MTX2: variants seen among roughly 807,000 people sequenced by gnomAD.
MTX2 encodes the protein metaxin 2, also known as metaxin-2.
A neutral mutation model predicts 42.3 loss-of-function variants in MTX2; 35 were observed. The ratio of observed to expected loss-of-function variants is 0.83; its 90% CI spans 0.63 to 1.10. The LOEUF (loss-of-function observed/expected upper bound fraction) is 1.10, where lower values mean the gene tolerates loss of function less well. Among genes scored for constraint, MTX2 ranks in the 50% least tolerant of loss-of-function variants. The pLI is 0.00. For synonymous variants in MTX2, 119 were observed against 100.9 expected (o/e 1.18, Z -1.08); for missense variants, 307 against 304.1 (o/e 1.01, Z -0.07).
At chr2:176,301,413 A>C (rs1335431790) in intron 3 of MTX2, among the ~76,000 whole-genome samples, 1 of 152,162 alleles carries the variant, frequency 6.6e-6, no homozygotes, top group African/African-American at 2.4e-5. Context: ...CTCTTAATTC[A>C]TATTAACCCA....
intron 3 of MTX2, among the ~76,000 whole-genome samples, chr2:176,305,981 G>C (rs1318315623): frequency 6.6e-6 from 1 of 151,996 alleles, no homozygotes; most frequent in Non-Finnish European, 1.5e-5. Context: ...TGATACATAG[G>C]TACACATGTG....
chr2:176,296,545 A>C (rs1683888837), intron 1 of MTX2, among the ~76,000 whole-genome samples: 1 of 152,180 alleles, frequency 6.6e-6, no homozygotes, highest in Non-Finnish European at 1.5e-5. Flanking sequence ...TGTTTGAAAG[A>C]AGCTAAAGGA....
At chr2:176,324,964 C>A (rs1684675090) in intron 4 of MTX2, among the ~76,000 whole-genome samples, 2 of 151,732 alleles carry the variant, frequency 1.3e-5, no homozygotes, top group South Asian at 4.2e-4. Flanking sequence ...ATTTTTAAAG[C>A]AGAGAGCATG....
intron 1 of MTX2, among the ~76,000 whole-genome samples, chr2:176,283,513 A>T (rs1468434887): frequency 9.9e-5 from 15 of 152,166 alleles, no homozygotes; most frequent in Admixed American, 9.8e-4. Context: ...TTCAGGTGGT[A>T]TAATAATAAG....
At chr2:176,279,166 G>T (rs1693021569) in intron 1 of MTX2, among the ~76,000 whole-genome samples, 1 of 152,078 alleles carries the variant, frequency 6.6e-6, no homozygotes, top group African/African-American at 2.4e-5. Context: ...ATAAGCCAAA[G>T]AATTTCTTCA....
In MTX2 at chr2:176,269,667, C is replaced by T; in HGVS notation, c.38C>T (p.Ala13Val). Residue 13 changes from alanine (A) to valine (V), a missense_variant and splice_region_variant, in exon 1 of 10, where the codon GCA becomes GTA. Ala to Val is a moderately conservative substitution (Grantham distance 64). Transcript: ENST00000249442. ...LVAEAFVSQI[A>V]AAEPWPENAT... ...GCGGAAGCCTTCGTCTCCCAGATTGCAGGTAGCGCGGCTGGCCGCAGACCC... is the reference window on the plus strand; with the variant it reads ...GCGGAAGCCTTCGTCTCCCAGATTGTAGGTAGCGCGGCTGGCCGCAGACCC... The T allele has an allele frequency of 6.3e-7, 1 of 1,596,380 alleles. No individual in the cohort carries two copies. The highest frequency in any genetic ancestry group is 1.9e-4 in the Middle Eastern group (1 of 5,278).
At chr2:176,335,024 G>A (rs1192950553) in intron 9 of MTX2, among the ~76,000 whole-genome samples, 1 of 148,120 alleles carries the variant, frequency 6.8e-6, no homozygotes, top group Non-Finnish European at 1.5e-5. Flanking sequence ...GGACTTTCTG[G>A]TAGAGGAGAT....
At chr2:176,325,213 GA>G (rs1221112693) in intron 4 of MTX2, among the ~76,000 whole-genome samples, 3 of 151,632 alleles carry the variant, frequency 2.0e-5, no homozygotes, top group African/African-American at 2.4e-5. Context: ...GCTTTCTTTA[GA>G]ATAAAAATTT....
chr2:176,293,648 T>C (rs1475156728), intron 1 of MTX2, among the ~76,000 whole-genome samples: 1 of 152,170 alleles, frequency 6.6e-6, no homozygotes, highest in African/African-American at 2.4e-5. Context: ...CCTTCTGCCA[T>C]GATTGTAAGC....
chr2:176,318,678 T>C (rs1397818207), intron 3 of MTX2, among the ~76,000 whole-genome samples: 1 of 152,216 alleles, frequency 6.6e-6, no homozygotes, highest in African/African-American at 2.4e-5. Context: ...TTGGACACTG[T>C]GCTATTATGC....
At chr2:176,270,515 A>G (rs1211600867) in intron 1 of MTX2, 9 of 832,484 alleles carry the variant, frequency 1.1e-5, no homozygotes, top group Admixed American at 2.5e-5. Context: ...GTACTTTGAG[A>G]TAGAGGCTAA....
intron 1 of MTX2, among the ~76,000 whole-genome samples, chr2:176,276,136 CAG>C (rs1313692220): frequency 4.6e-5 from 7 of 152,152 alleles, no homozygotes; most frequent in Admixed American, 1.3e-4. Context: ...TTGTAAATAA[CAG>C]ATAATTTAAT....
chr2:176,310,359 A>G (rs1191264876), intron 3 of MTX2, among the ~76,000 whole-genome samples: 2 of 151,984 alleles, frequency 1.3e-5, no homozygotes, highest in Non-Finnish European at 2.9e-5. Context: ...TTCAAGTTGA[A>G]TCTGACAATT....
intron 4 of MTX2, among the ~76,000 whole-genome samples, chr2:176,323,678 G>A (rs1415955962): frequency 1.3e-5 from 2 of 151,634 alleles, no homozygotes; most frequent in African/African-American, 4.8e-5. Context: ...GGTTACTGAC[G>A]TGTGGAAATG....
At position 176,329,353 on chromosome 2, in the gene MTX2, T is replaced by C; in HGVS notation, c.470T>C (p.Leu157Ser). 1 of 1,608,096 alleles carries C rather than the reference T, an allele frequency of 6.2e-7. No homozygotes were observed. The highest frequency in any genetic ancestry group is 2.2e-5 in the East Asian group (1 of 44,654). ...TACCCTTGGCCTCTGAATCATATTT[T>C]GGCCTATCAAAAACAGTGGGAAGTC... ...SPYPWPLNHI[L>S]AYQKQWEVKR... Residue 157 changes from leucine to serine, a missense_variant, in exon 8 of 10, where the codon TTG becomes TCG. Physicochemically the swap from Leu to Ser is moderately radical, Grantham distance 145. Coordinates refer to ENST00000249442, the MANE Select transcript of MTX2 (RefSeq NM_006554.5).
chr2:176,333,078 T>G (rs1015420788), intron 9 of MTX2, among the ~76,000 whole-genome samples: 8 of 151,508 alleles, frequency 5.3e-5, no homozygotes, highest in South Asian at 2.1e-4. Context: ...GTGGAAAGAA[T>G]AATAATGTAA....
chr2:176,278,743 T>A (rs1197157193), intron 1 of MTX2, among the ~76,000 whole-genome samples: 2 of 152,196 alleles, frequency 1.3e-5, no homozygotes, highest in Non-Finnish European at 2.9e-5. Context: ...GATGAGATAT[T>A]GAAAATTCAG....
At chr2:176,276,391 A>G (rs577727335) in intron 1 of MTX2, among the ~76,000 whole-genome samples, 1 of 152,148 alleles carries the variant, frequency 6.6e-6, no homozygotes, top group Non-Finnish European at 1.5e-5. Flanking sequence ...ACTGTGTTAA[A>G]TGATTTATAT....
At chr2:176,305,502 A>G (rs1458896436) in intron 3 of MTX2, among the ~76,000 whole-genome samples, 1 of 152,116 alleles carries the variant, frequency 6.6e-6, no homozygotes, top group Non-Finnish European at 1.5e-5. Context: ...TGACCCTACA[A>G]CTTTATGAAA....
Sources: allele counts gnomAD v4.1 joint callset (sites outside exome capture counted in the v4.1 genomes callset), GRCh38; gene constraint gnomAD v4.1.1; transcripts MANE v1.5; gene names NCBI Gene and HGNC (gene_info 2026-07-23, HGNC 2026-07-21).